Variants in FKBP5 observed in about 807,000 individuals in gnomAD.
FKBP5 encodes the protein peptidyl-prolyl cis-trans isomerase FKBP5.
A neutral mutation model predicts 50.5 loss-of-function variants in FKBP5; 23 were observed. The ratio of observed to expected loss-of-function variants is 0.46; its 90% CI spans 0.33 to 0.65. FKBP5 has a LOEUF of 0.65. Ranked by LOEUF, FKBP5 falls within the 30% of genes least tolerant of loss-of-function variation. The pLI, the probability that FKBP5 is intolerant of heterozygous loss-of-function variation, is 0.02. For synonymous variants in FKBP5, 176 were observed against 190.6 expected (o/e 0.92, Z 0.63); for missense variants, 411 against 553.1 (o/e 0.74, Z 2.58).
At chr6:35,696,416 G>T (rs1333080303) in intron 2 of FKBP5, among the ~76,000 whole-genome samples, 1 of 151,716 alleles carries the variant, frequency 6.6e-6, no homozygotes, top group Non-Finnish European at 1.5e-5. Flanking sequence ...GGAGGCTGAG[G>T]TGGGAGGATT....
chr6:35,576,329 C>T (rs779335639), intron 10 of FKBP5, among the ~76,000 whole-genome samples: 1 of 151,764 alleles, frequency 6.6e-6, no homozygotes, highest in African/African-American at 2.4e-5. Context: ...CTGGGAAAAT[C>T]GTAAGTCTTA....
At chr6:35,579,873 T>C (rs570806731) in intron 9 of FKBP5, among the ~76,000 whole-genome samples, 163 bp downstream of exon 9, 2 of 152,300 alleles carry the variant, frequency 1.3e-5, no homozygotes, top group South Asian at 4.1e-4. Context: ...TCTTGCTGAA[T>C]TTCCCAATTC....
intron 1 of FKBP5, chr6:35,651,702 GA>G (rs2150994560): frequency 6.3e-6 from 1 of 158,794 alleles, no homozygotes; most frequent in Admixed American, 6.5e-5. Context: ...TCCAAACTCT[GA>G]AACTTTTTGA....
chr6:35,698,130 G>A (rs1331894924), intron 2 of FKBP5, among the ~76,000 whole-genome samples: 1 of 152,120 alleles, frequency 6.6e-6, no homozygotes, highest in African/African-American at 2.4e-5. Flanking sequence ...ATCACCTGAT[G>A]TCAGGGGTTC....
intron 7 of FKBP5, among the ~76,000 whole-genome samples, chr6:35,588,030 TTA>T (rs1491192703): frequency 2.2e-4 from 33 of 147,648 alleles, no homozygotes; most frequent in Middle Eastern, 3.5e-3. Flanking sequence ...ATTATTATTA[TTA>T]TTTTTTTTTT....
intron 5 of FKBP5, among the ~76,000 whole-genome samples, chr6:35,610,700 A>G (rs550808926): frequency 1.8e-4 from 26 of 140,682 alleles, no homozygotes; most frequent in Non-Finnish European, 3.6e-4. Context: ...TTATTTTTCT[A>G]TTTTATTTTA....
chr6:35,578,628 T>C (rs111375581), intron 9 of FKBP5, among the ~76,000 whole-genome samples: 13,614 of 151,730 alleles, frequency 0.09, 1,338 homozygotes, highest in African/African-American at 0.25. Flanking sequence ...ATTAGCCTGG[T>C]GTGGTGGTCG....
chr6:35,656,895 CAAAA>C (rs35579361), intron 1 of FKBP5, among the ~76,000 whole-genome samples: 1 of 110,998 alleles, frequency 9.0e-6, no homozygotes, highest in Non-Finnish European at 1.8e-5. Flanking sequence ...GACTCCGTCT[CAAAA>C]AAAAAAAAAA....
intron 2 of FKBP5, among the ~76,000 whole-genome samples, chr6:35,695,726 G>A (rs529380071): frequency 6.6e-6 from 1 of 152,228 alleles, no homozygotes; most frequent in East Asian, 1.9e-4. Context: ...GCAATCCAAA[G>A]ATGAAATTAA....
chr6:35,625,408 A>G (rs1763964056), intron 3 of FKBP5, among the ~76,000 whole-genome samples: 1 of 151,854 alleles, frequency 6.6e-6, no homozygotes, highest in Non-Finnish European at 1.5e-5. Flanking sequence ...CATTTTAAAG[A>G]TTCTTCATCT....
chr6:35,683,120 A>ATATGTGTGTGTGTGTG (rs1765724073), intron 1 of FKBP5, among the ~76,000 whole-genome samples: 1 of 80,650 alleles, frequency 1.2e-5, no homozygotes, highest in African/African-American at 4.5e-5. Flanking sequence ...ATATACGTAT[A>ATATGTGTGTGTGTGTG]TGTGTGTGTG....
chr6:35,678,791 A>G (rs1157305745), intron 1 of FKBP5, among the ~76,000 whole-genome samples: 6 of 152,224 alleles, frequency 3.9e-5, no homozygotes, highest in Non-Finnish European at 8.8e-5. Flanking sequence ...ACAGTTTAAA[A>G]AAGCACATGG....
chr6:35,605,078 C>T (rs1446168433), intron 5 of FKBP5, among the ~76,000 whole-genome samples: 13 of 152,204 alleles, frequency 8.5e-5, no homozygotes, highest in East Asian at 3.9e-4. Context: ...CCACCGTGCC[C>T]GGCCCGTGTT....
intron 8 of FKBP5, chr6:35,585,413 T>G: frequency 1.0e-6 from 1 of 984,470 alleles, no homozygotes; most frequent in Non-Finnish European, 1.2e-6. Flanking sequence ...AAATAACACT[T>G]GTTCTTGAGA....
At chr6:35,584,320 A>G (rs1201049313) in intron 8 of FKBP5, 3 of 985,370 alleles carry the variant, frequency 3.0e-6, no homozygotes, top group Non-Finnish European at 3.6e-6. Context: ...GCTGAGTACA[A>G]TTCAATCCTA....
chr6:35,689,053 C>T (rs995877904), upstream of FKBP5: 11 of 152,278 alleles, frequency 7.2e-5, no homozygotes, highest in African/African-American at 2.4e-4. Flanking sequence ...TGTCGATCCG[C>T]CTGTCCGGAT....
intron 5 of FKBP5, among the ~76,000 whole-genome samples, chr6:35,615,159 C>T (rs968335696): frequency 1.5e-5 from 2 of 131,928 alleles, no homozygotes; most frequent in Non-Finnish European, 3.1e-5. Context: ...AACAACTACA[C>T]ACACACACAC....
intron 5 of FKBP5, chr6:35,607,818 C>G (rs1490791058): frequency 3.1e-5 from 7 of 224,202 alleles, no homozygotes; most frequent in Non-Finnish European, 6.1e-5. Flanking sequence ...CTGAAGGTCT[C>G]CAAGGACAAA....
chr6:35,672,789 G>A (rs1046154345), intron 1 of FKBP5, among the ~76,000 whole-genome samples: 1 of 151,934 alleles, frequency 6.6e-6, no homozygotes, highest in East Asian at 1.9e-4. Flanking sequence ...AAATTAGCTG[G>A]CGTAGTGGCA....
Sources: allele counts gnomAD v4.1 joint callset (sites outside exome capture counted in the v4.1 genomes callset), GRCh38; gene constraint gnomAD v4.1.1; transcripts MANE v1.5; gene names NCBI Gene and HGNC (gene_info 2026-07-23, HGNC 2026-07-21).